RBFOX1: variants seen among roughly 807,000 people sequenced by gnomAD.
RBFOX1 encodes RNA binding protein fox-1 homolog 1.
In RBFOX1, 8 loss-of-function variants were observed where a neutral mutation model predicts 57.7. That is an observed-to-expected ratio of 0.14 (90% CI 0.08 to 0.25). The LOEUF (loss-of-function observed/expected upper bound fraction) is 0.25, where lower values mean the gene tolerates loss of function less well. Ranked by LOEUF, RBFOX1 falls within the 10% of genes least tolerant of loss-of-function variation. The probability of loss-of-function intolerance (pLI) is 1.00; values close to 1 mark genes in which losing one functional copy is unlikely to be tolerated. For synonymous variants in RBFOX1, 326 were observed against 222.4 expected, an observed-to-expected ratio of 1.47 and a Z score of -4.15; for missense variants, 611 against 548.5, an observed-to-expected ratio of 1.11 and a Z score of -1.14.
At chr16:5,991,432 G>C (rs1038724172) in intron 4 of RBFOX1, among the ~76,000 whole-genome samples, 6 of 152,164 alleles carry the variant, frequency 3.9e-5, no homozygotes, top group African/African-American at 1.4e-4. Context: ...CATCGTCACT[G>C]CAGCTTTGTG....
chr16:6,803,850 CT>C, intron 3 of RBFOX1, among the ~76,000 whole-genome samples: 1 of 152,146 alleles, frequency 6.6e-6, no homozygotes, highest in African/African-American at 2.4e-5. Flanking sequence ...TAAAGAACTC[CT>C]TTTACAATAA....
chr16:5,705,612 G>A (rs1377331790), intron 3 of RBFOX1, among the ~76,000 whole-genome samples: 2 of 152,166 alleles, frequency 1.3e-5, no homozygotes, highest in Non-Finnish European at 2.9e-5. Flanking sequence ...CAAAGACAGA[G>A]AGGAGGCAAC....
intron 1 of RBFOX1, among the ~76,000 whole-genome samples, chr16:5,435,791 A>T (rs1334752972): frequency 6.6e-6 from 1 of 152,196 alleles, no homozygotes; most frequent in Non-Finnish European, 1.5e-5. Context: ...CTGGCACATA[A>T]TTTTTAAGAT....
chr16:7,605,172 AAAAG>A (rs1276887683), intron 9 of RBFOX1, among the ~76,000 whole-genome samples: 2 of 152,168 alleles, frequency 1.3e-5, no homozygotes, highest in Admixed American at 6.5e-5. Context: ...TTTTTTTAAA[AAAAG>A]GAAGCAGTGG....
chr16:5,402,651 C>T (rs893711608), intron 1 of RBFOX1, among the ~76,000 whole-genome samples: 3 of 152,196 alleles, frequency 2.0e-5, no homozygotes, highest in Admixed American at 1.3e-4. Context: ...CTCCTTGCTT[C>T]CCGTGGTTGT....
At chr16:6,482,863 A>G (rs928370218) in intron 2 of RBFOX1, among the ~76,000 whole-genome samples, 1 of 152,344 alleles carries the variant, frequency 6.6e-6, no homozygotes, top group East Asian at 1.9e-4. Flanking sequence ...ATGCAGGAGT[A>G]GCGTAAGTAA....
intron 3 of RBFOX1, among the ~76,000 whole-genome samples, chr16:6,872,949 C>T (rs935169771): frequency 2.6e-5 from 4 of 152,126 alleles, no homozygotes; most frequent in Non-Finnish European, 4.4e-5. Flanking sequence ...TGTTTTACTT[C>T]CCCGGCCGCA....
In RBFOX1 at chr16:6,703,045, C is replaced by G. The variant is rs370748647; in HGVS notation, c.-16+48395C>G. On this transcript the variant is annotated intron_variant, in intron 3 of 15. Coordinates refer to ENST00000550418, the MANE Select transcript of RBFOX1 (RefSeq NM_018723.4). ...CCTTGTCCTTTGGTATCTGGCCTAT[C>G]TCACTTGCCTCAAGGTTTATGTTGT... Among the ~76,000 whole-genome samples the G allele has an allele frequency of 1.8e-4, 28 of 152,328 alleles. No individual in the cohort carries two copies. In the East Asian group the frequency reaches 3.5e-3, roughly 19 times the overall value.
At chr16:7,044,697 G>A (rs2047305264) in intron 3 of RBFOX1, among the ~76,000 whole-genome samples, 1 of 147,018 alleles carries the variant, frequency 6.8e-6, no homozygotes, top group Admixed American at 6.7e-5. Flanking sequence ...TTACTGCCAT[G>A]GGAGAAAAAA....
chr16:7,136,313 T>A (rs1265304845), intron 4 of RBFOX1, among the ~76,000 whole-genome samples: 1 of 152,042 alleles, frequency 6.6e-6, no homozygotes, highest in African/African-American at 2.4e-5. Flanking sequence ...ATTAGCCACA[T>A]CTCAAGTGTC....
intron 2 of RBFOX1, among the ~76,000 whole-genome samples, chr16:5,547,887 C>T (rs1165817917): frequency 6.6e-6 from 1 of 151,976 alleles, no homozygotes; most frequent in African/African-American, 2.4e-5. Flanking sequence ...AGGCCAGGCA[C>T]GGTGGCTCAT....
At chr16:7,331,586 A>G (rs377578442) in intron 4 of RBFOX1, among the ~76,000 whole-genome samples, 36 of 152,196 alleles carry the variant, frequency 2.4e-4, no homozygotes, top group Non-Finnish European at 2.8e-4. Context: ...CAGGGAATAC[A>G]TGATAAAAGT....
chr16:7,503,097 T>C (rs370235727), intron 4 of RBFOX1, among the ~76,000 whole-genome samples: 1 of 152,304 alleles, frequency 6.6e-6, no homozygotes, highest in South Asian at 2.1e-4. Context: ...CTACTTTTTA[T>C]CTAGAATGTT....
intron 2 of RBFOX1, among the ~76,000 whole-genome samples, chr16:6,326,517 T>C (rs1477845082): frequency 2.0e-5 from 3 of 152,208 alleles, no homozygotes; most frequent in East Asian, 3.9e-4. Flanking sequence ...GGTTTTCTCC[T>C]TTCTAATCTA....
At chr16:5,698,262 T>A (rs2050912478) in intron 3 of RBFOX1, among the ~76,000 whole-genome samples, 1 of 152,300 alleles carries the variant, frequency 6.6e-6, no homozygotes, top group East Asian at 1.9e-4. Context: ...GTCATGACTT[T>A]CTTTTTATAT....
intron 1 of RBFOX1, among the ~76,000 whole-genome samples, chr16:6,083,808 A>C (rs7201476): frequency 1.3e-5 from 2 of 151,818 alleles, no homozygotes; most frequent in Non-Finnish European, 2.9e-5. Flanking sequence ...CTCAACTCCA[A>C]TATAGCCCTT....
At chr16:7,125,563 T>C (rs1303282227) in intron 4 of RBFOX1, among the ~76,000 whole-genome samples, 1 of 152,152 alleles carries the variant, frequency 6.6e-6, no homozygotes, top group African/African-American at 2.4e-5. Flanking sequence ...TGCCAAGTCA[T>C]GGATGGTTCT....
intron 3 of RBFOX1, among the ~76,000 whole-genome samples, chr16:6,896,450 T>A (rs1216214702): frequency 1.3e-5 from 2 of 152,198 alleles, no homozygotes; most frequent in African/African-American, 2.4e-5. Flanking sequence ...TAACTATCCT[T>A]CTACTGTCTA....
intron 4 of RBFOX1, among the ~76,000 whole-genome samples, chr16:7,157,360 G>A (rs1356141031): frequency 6.6e-6 from 1 of 151,738 alleles, no homozygotes; most frequent in East Asian, 1.9e-4. Context: ...ATTTCAATTT[G>A]GCAATAAATG....
Sources: gnomAD v4.1 joint callset for allele counts (sites outside exome capture counted in the v4.1 genomes callset) on GRCh38, gnomAD v4.1.1 for gene constraint, MANE v1.5 for transcripts, NCBI Gene and HGNC (gene_info 2026-07-23, HGNC 2026-07-21) for gene names.